The following RASGEF1B variants were observed in gnomAD, a reference collection of about 807,000 sequenced individuals.
RASGEF1B encodes RasGEF domain family member 1B.
RASGEF1B carries 30 observed loss-of-function variants against 65.7 expected under a neutral mutation model. The ratio of observed to expected loss-of-function variants is 0.46; its 90% CI spans 0.34 to 0.62. RASGEF1B has a LOEUF of 0.62. Ranked by LOEUF, RASGEF1B falls within the 20% of genes least tolerant of loss-of-function variation. The pLI is 0.01. For synonymous variants in RASGEF1B, 175 were observed against 194.8 expected (o/e 0.90, Z 0.85); for missense variants, 495 against 580.1 (o/e 0.85, Z 1.51).
intron 4 of RASGEF1B, among the ~76,000 whole-genome samples, chr4:81,449,170 C>T (rs1367860803): frequency 2.0e-5 from 3 of 152,156 alleles, no homozygotes; most frequent in South Asian, 4.1e-4. Context: ...AGTGGATATT[C>T]ATTTCTGGCA....
intron 1 of RASGEF1B, among the ~76,000 whole-genome samples, chr4:81,462,605 T>C (rs1347229957): frequency 6.6e-6 from 1 of 152,234 alleles, no homozygotes; most frequent in Non-Finnish European, 1.5e-5. Flanking sequence ...CCATTATTTA[T>C]TATGCACAAT....
rs1721586817 is a variant in RASGEF1B, at chr4:81,435,451, T to C, written c.1105-717A>G. Among the ~76,000 whole-genome samples the C allele has an allele frequency of 2.1e-5, 3 of 144,716 alleles. No individual in the cohort carries two copies. In the South Asian group the frequency reaches 6.5e-4, roughly 31 times the overall value. 94.9% of individuals were successfully genotyped at this position (144,716 alleles called of 152,430 possible). A position where few individuals can be genotyped will look rare whatever the true frequency, so the allele number is the denominator to read the frequency against. On this transcript the variant is annotated intron_variant, in intron 10 of 13. Transcript: ENST00000264400. ...AAAAAAAAAAAAAGAATACCTATCATTGCAGGCACCGATTTTTTTTTTTTT... is the reference window on the plus strand; with the variant it reads ...AAAAAAAAAAAAAGAATACCTATCACTGCAGGCACCGATTTTTTTTTTTTT...
Position 81,440,834 on chromosome 4 carries a change from C to G in RASGEF1B, c.1104G>C (p.Lys368Asn). The G allele has an allele frequency of 6.3e-7, 1 of 1,590,204 alleles. No individual in the cohort carries two copies. Among genetic ancestry groups the G allele is most frequent in the Non-Finnish European group, 8.6e-7 (1 of 1,160,412 alleles). Residue 368 changes from lysine (K) to asparagine (N), a missense_variant and splice_region_variant, in exon 10 of 14, where the codon AAG becomes AAC. Transcript: ENST00000264400. ...RSLTAHSSREKIVIPFFSLLI... is the reference protein window; with the variant it reads ...RSLTAHSSRENIVIPFFSLLI... ...GAAAGATACTTCTTTAAGTGCATAC[C>G]TTTTCTCTACTACTATGAGCAGTTA...
At chr4:81,447,463 C>G in intron 6 of RASGEF1B, 41 bp downstream of exon 6, 1 of 1,427,434 alleles carries the variant, frequency 7.0e-7, no homozygotes, top group Non-Finnish European at 9.9e-7. Context: ...TGATAAATCC[C>G]ATTTTTGGTT....
At chr4:81,466,449 A>G (rs1206104687) in intron 1 of RASGEF1B, among the ~76,000 whole-genome samples, 1 of 152,050 alleles carries the variant, frequency 6.6e-6, no homozygotes, top group African/African-American at 2.4e-5. Context: ...TTAAAACATG[A>G]CTTATTTTAA....
chr4:81,471,281 G>C (rs1373382947), intron 1 of RASGEF1B: 1 of 152,380 alleles, frequency 6.6e-6, no homozygotes. Flanking sequence ...TCAAGAAGTG[G>C]AAGAATCAAC....
Position 81,445,851 on chromosome 4 carries a change from C to T in RASGEF1B, c.730-13G>A. The stretch of plus-strand genomic sequence containing the variant: ...CACTGTAGCAACTCTTTAGAGAAAA[C>T]AAAGTAAACAGATGAGTTAGAGGAA... On this transcript the variant is annotated splice_polypyrimidine_tract_variant and intron_variant, in intron 6 of 13. Transcript: ENST00000264400. The T allele has an allele frequency of 6.3e-7, 1 of 1,596,538 alleles. No homozygotes were observed. Among genetic ancestry groups the T allele is most frequent in the Non-Finnish European group, 8.6e-7 (1 of 1,164,852 alleles).
At chr4:81,441,167 A>G (rs930563743) in intron 9 of RASGEF1B, among the ~76,000 whole-genome samples, 1 of 152,214 alleles carries the variant, frequency 6.6e-6, no homozygotes, top group African/African-American at 2.4e-5. Flanking sequence ...CCTAAACCGC[A>G]TTCTTTCTAG....
intron 1 of RASGEF1B, among the ~76,000 whole-genome samples, chr4:81,460,918 G>C (rs1722620177): frequency 6.6e-6 from 1 of 152,162 alleles, no homozygotes; most frequent in Non-Finnish European, 1.5e-5. Context: ...TATTCACAGA[G>C]ATTTGTCACT....
intron 2 of RASGEF1B, among the ~76,000 whole-genome samples, chr4:81,458,802 A>G (rs1722539605): frequency 6.6e-6 from 1 of 152,210 alleles, no homozygotes; most frequent in African/African-American, 2.4e-5. Flanking sequence ...TATACAACAA[A>G]TTCCCTAGAT....
intron 8 of RASGEF1B, among the ~76,000 whole-genome samples, chr4:81,442,792 A>T (rs954881640): frequency 1.2e-4 from 18 of 152,252 alleles, no homozygotes; most frequent in Admixed American, 3.9e-4. Flanking sequence ...TATTACAGTC[A>T]CATGTTAGAA....
Position 81,445,644 on chromosome 4 carries a change from C to G in RASGEF1B, c.826-16G>C. 3 of 1,599,004 alleles carry G rather than the reference C, an allele frequency of 1.9e-6. No homozygotes were observed. The highest frequency in any genetic ancestry group is 2.7e-5 in the African/African-American group (2 of 74,782). ...TCTTAACAGGCTACACAGTAAAAGA[C>G]AATAGAGGGCAGTTATCCAGTATGA... On this transcript the variant is annotated splice_polypyrimidine_tract_variant and intron_variant, in intron 7 of 13. Transcript: ENST00000264400.
intron 13 of RASGEF1B, among the ~76,000 whole-genome samples, chr4:81,430,576 A>T (rs1560691664): frequency 6.6e-6 from 1 of 152,176 alleles, no homozygotes; most frequent in Non-Finnish European, 1.5e-5. Context: ...GCCCACTGGT[A>T]TGCTCCTCTA....
intron 13 of RASGEF1B, among the ~76,000 whole-genome samples, chr4:81,428,940 T>C (rs746882091): frequency 3.3e-5 from 5 of 152,260 alleles, no homozygotes; most frequent in Non-Finnish European, 5.9e-5. Context: ...TATTTTGTTT[T>C]AACTTCTTCG....
chr4:81,429,102 T>C (rs1402622738), intron 13 of RASGEF1B, among the ~76,000 whole-genome samples: 1 of 152,182 alleles, frequency 6.6e-6, no homozygotes, highest in East Asian at 1.9e-4. Flanking sequence ...CTCAAGGGGC[T>C]TACATAGCAA....
intron 10 of RASGEF1B, among the ~76,000 whole-genome samples, chr4:81,438,978 G>C (rs531537898): frequency 6.6e-6 from 1 of 152,018 alleles, no homozygotes; most frequent in East Asian, 1.9e-4. Flanking sequence ...ATCATTGATG[G>C]GCATTTGGGT....
At chr4:81,445,720 A>T (rs1474688605) in intron 7 of RASGEF1B, 23 bp downstream of exon 7, 1 of 1,601,790 alleles carries the variant, frequency 6.2e-7, no homozygotes, top group Non-Finnish European at 8.6e-7. Flanking sequence ...GAGAACTAGG[A>T]GACAGAAAAT....
Position 81,459,498 on chromosome 4 carries a change from G to T in RASGEF1B, c.11C>A (p.Thr4Asn). 1 of 1,588,780 alleles carries T rather than the reference G, an allele frequency of 6.3e-7. No homozygotes were observed. Among genetic ancestry groups the T allele is most frequent in the South Asian group, 1.2e-5 (1 of 86,248 alleles). The change falls in exon 2 of 14, where the codon ACT becomes AAT. Residue 4 changes from threonine (T) to asparagine (N), a missense_variant. Transcript: ENST00000264400. ...GTCAAACATTGCTGAAAAGGGAGGAGTCTGAGGCATACTTTCCTAAAAGGA... is the reference window on the plus strand; with the variant it reads ...GTCAAACATTGCTGAAAAGGGAGGATTCTGAGGCATACTTTCCTAAAAGGA... MPQ[T>N]PPFSAMFDSS...
intron 1 of RASGEF1B, among the ~76,000 whole-genome samples, 183 bp downstream of exon 1, chr4:81,471,587 C>T (rs974942251): frequency 6.6e-6 from 1 of 152,196 alleles, no homozygotes; most frequent in African/African-American, 2.4e-5. Flanking sequence ...CGCGCTCACT[C>T]GCCTCGGGAT....
Sources: gnomAD v4.1 joint callset for allele counts (sites outside exome capture counted in the v4.1 genomes callset) on GRCh38, gnomAD v4.1.1 for gene constraint, MANE v1.5 for transcripts, NCBI Gene and HGNC (gene_info 2026-07-23, HGNC 2026-07-21) for gene names.